TRPM3: variants seen among roughly 807,000 people sequenced by gnomAD.
TRPM3 encodes the protein long transient receptor potential channel 3.
TRPM3 carries 77 observed loss-of-function variants against 181.2 expected under a neutral mutation model. That is an observed-to-expected ratio of 0.42 (90% CI 0.35 to 0.51). The LOEUF (loss-of-function observed/expected upper bound fraction) is 0.51, where lower values mean the gene tolerates loss of function less well. Ranked by LOEUF, TRPM3 falls within the 20% of genes least tolerant of loss-of-function variation. The pLI is 0.01. For missense variants in TRPM3, 1,759 were observed against 2,196.7 expected (o/e 0.80, Z 3.98); for synonymous variants, 745 against 796.4 (o/e 0.94, Z 1.09).
At chr9:71,077,509 A>G (rs1363041962) in intron 1 of TRPM3, among the ~76,000 whole-genome samples, 2 of 152,206 alleles carry the variant, frequency 1.3e-5, no homozygotes, top group Non-Finnish European at 2.9e-5. Context: ...TTCTTCCAGG[A>G]AACAGTGGGT....
In TRPM3 at chr9:71,330,752, C is replaced by T. The variant is rs555942063; in HGVS notation, c.183+115901G>A. Among the ~76,000 whole-genome samples, 6 of 151,834 alleles carry T rather than the reference C, an allele frequency of 4.0e-5. No homozygotes were observed. In the South Asian group the frequency reaches 1.2e-3, roughly 32 times the overall value. On this transcript the variant is annotated intron_variant, in intron 1 of 24. Transcript: ENST00000357533. ...GGGGAATCTGAGTACAAGGCAGCAG[C>T]AGGGTAAGATCCAAGTATGTCAGAT...
intron 1 of TRPM3, among the ~76,000 whole-genome samples, chr9:71,182,217 G>A (rs2077445087): frequency 6.6e-6 from 1 of 152,052 alleles, no homozygotes. Flanking sequence ...TTAAATTGAA[G>A]TCATAGCATA....
chr9:71,032,206 A>C (rs1402122062), intron 1 of TRPM3, among the ~76,000 whole-genome samples: 2 of 114,670 alleles, frequency 1.7e-5, no homozygotes, highest in Non-Finnish European at 3.6e-5. Flanking sequence ...AATATATAAT[A>C]TATAGCAAGC....
rs557791042 is a variant in TRPM3 at position 70,910,395 on chromosome 9, A to G, written c.178-45884T>C. ...ATTATTTTGGGGGAGGAGGCTATGA[A>G]TAGTGACTGGGAAGGGACAGGAGTA... On this transcript the variant is annotated intron_variant, in intron 1 of 25. Transcript: ENST00000677713. Among the ~76,000 whole-genome samples the G allele has an allele frequency of 1.3e-4, 20 of 152,314 alleles. No homozygotes were observed. In the East Asian group the frequency reaches 3.9e-3, roughly 29 times the overall value.
chr9:71,031,541 G>A (rs2134671174), intron 1 of TRPM3, among the ~76,000 whole-genome samples: 1 of 152,166 alleles, frequency 6.6e-6, no homozygotes, highest in East Asian at 1.9e-4. Flanking sequence ...CTGACATAAA[G>A]TAGATATTTA....
chr9:71,096,402 G>A (rs2067211265), intron 1 of TRPM3, among the ~76,000 whole-genome samples: 1 of 151,176 alleles, frequency 6.6e-6, no homozygotes, highest in Non-Finnish European at 1.5e-5. Flanking sequence ...AGAATAATGT[G>A]ATTCTGAAAA....
intron 7 of TRPM3, among the ~76,000 whole-genome samples, chr9:70,780,103 T>C (rs894654790): frequency 1.3e-5 from 2 of 152,194 alleles, no homozygotes. Context: ...TCCAAAGTGA[T>C]TGTCTTTTAA....
intron 1 of TRPM3, among the ~76,000 whole-genome samples, chr9:70,994,728 C>T (rs1410566334): frequency 6.6e-6 from 1 of 152,160 alleles, no homozygotes; most frequent in Non-Finnish European, 1.5e-5. Flanking sequence ...TAAATCACTG[C>T]TCTTTTCAAA....
intron 1 of TRPM3, among the ~76,000 whole-genome samples, chr9:71,371,808 G>A (rs1314705734): frequency 1.3e-5 from 2 of 152,090 alleles, no homozygotes; most frequent in African/African-American, 4.8e-5. Flanking sequence ...CAATCATTTT[G>A]AAAAAAATTC....
intron 1 of TRPM3, among the ~76,000 whole-genome samples, chr9:70,967,445 G>A (rs1361665172): frequency 6.6e-6 from 1 of 151,994 alleles, no homozygotes; most frequent in Non-Finnish European, 1.5e-5. Context: ...TGCATACAGT[G>A]AGAGATAAAG....
At chr9:71,074,572 A>T (rs1836252972) in intron 1 of TRPM3, among the ~76,000 whole-genome samples, 2 of 152,158 alleles carry the variant, frequency 1.3e-5, no homozygotes. Flanking sequence ...TTTAATGGCA[A>T]AAGTACTTAA....
At chr9:71,307,160 G>A (rs2087426732) in intron 1 of TRPM3, among the ~76,000 whole-genome samples, 1 of 152,124 alleles carries the variant, frequency 6.6e-6, no homozygotes, top group Admixed American at 6.5e-5. Context: ...ACACTTCTGT[G>A]AGTACTGATA....
chr9:70,930,873 T>C (rs1403032925), intron 1 of TRPM3, among the ~76,000 whole-genome samples: 1 of 151,904 alleles, frequency 6.6e-6, no homozygotes, highest in Non-Finnish European at 1.5e-5. Context: ...TGAAAGTGGC[T>C]GAGAAAAAAA....
intron 1 of TRPM3, among the ~76,000 whole-genome samples, chr9:70,884,864 C>A (rs931094823): frequency 6.6e-6 from 1 of 152,176 alleles, no homozygotes; most frequent in Non-Finnish European, 1.5e-5. Context: ...GTGAAAAATG[C>A]ATACTCTGGT....
chr9:71,145,434 CTG>C (rs2075351827), intron 1 of TRPM3, among the ~76,000 whole-genome samples: 1 of 152,132 alleles, frequency 6.6e-6, no homozygotes, highest in South Asian at 2.1e-4. Flanking sequence ...CTGAAAAACT[CTG>C]AGAGAATGCA....
Position 71,163,963 on chromosome 9 carries a change from C to T in TRPM3, c.183+282690G>A, listed in dbSNP as rs148148813. Among the ~76,000 whole-genome samples, 19 of 152,222 alleles carry T rather than the reference C, an allele frequency of 1.2e-4. No homozygotes were observed. In the East Asian group the frequency reaches 3.7e-3, roughly 29 times the overall value. ...ACATGGAAGTCAGTGGTCATTGTGG[C>T]CAGAAAATTTCAGCAGATAATCCAA... On this transcript the variant is annotated intron_variant, in intron 1 of 24. Coordinates refer to the TRPM3 transcript ENST00000357533.
At chr9:70,763,321 G>A (rs2078502621) in intron 7 of TRPM3, among the ~76,000 whole-genome samples, 1 of 152,066 alleles carries the variant, frequency 6.6e-6, no homozygotes, top group African/African-American at 2.4e-5. Context: ...ATCAGCCTTG[G>A]CAATACAGTG....
At chr9:71,103,040 A>G (rs2068695817) in intron 1 of TRPM3, among the ~76,000 whole-genome samples, 1 of 152,152 alleles carries the variant, frequency 6.6e-6, no homozygotes. Context: ...TTTTTAGTTA[A>G]TCAAAGAAGT....
intron 6 of TRPM3, among the ~76,000 whole-genome samples, chr9:70,788,934 C>T (rs929651413): frequency 6.6e-6 from 1 of 152,124 alleles, no homozygotes; most frequent in Non-Finnish European, 1.5e-5. Flanking sequence ...GATGAAGCTT[C>T]GCTCACTTGC....
Sources: allele counts gnomAD v4.1 joint callset (sites outside exome capture counted in the v4.1 genomes callset), GRCh38; gene constraint gnomAD v4.1.1; transcripts MANE v1.5; gene names NCBI Gene and HGNC (gene_info 2026-07-23, HGNC 2026-07-21).